The following NXNL2 variants were observed in gnomAD, a reference collection of about 807,000 sequenced individuals.
NXNL2 encodes nucleoredoxin like 2, also known as nucleoredoxin-like protein 2.
A neutral mutation model predicts 11.1 loss-of-function variants in NXNL2; 7 were observed. That is an observed-to-expected ratio of 0.63 (90% CI 0.36 to 1.18). NXNL2 has a LOEUF of 1.18. NXNL2 is among the 50% of genes most tolerant of loss of function. The pLI is 0.02. For synonymous variants in NXNL2, 109 were observed against 101.8 expected, an observed-to-expected ratio of 1.07 and a Z score of -0.42; for missense variants, 233 against 217.7, an observed-to-expected ratio of 1.07 and a Z score of -0.44.
intron 1 of NXNL2, among the ~76,000 whole-genome samples, chr9:88,541,380 C>T (rs1829757855): frequency 6.6e-6 from 1 of 152,096 alleles, no homozygotes; most frequent in African/African-American, 2.4e-5. Context: ...CCTGCCTCAG[C>T]CTCCCAAGTA....
intron 1 of NXNL2, among the ~76,000 whole-genome samples, chr9:88,563,057 C>G (rs773809521): frequency 2.6e-5 from 4 of 152,090 alleles, no homozygotes; most frequent in Non-Finnish European, 5.9e-5. Context: ...CACTGCAATC[C>G]AGCCTGGTGA....
intron 2 of NXNL2, among the ~76,000 whole-genome samples, chr9:88,572,536 C>T (rs901491805): frequency 1.3e-5 from 2 of 152,184 alleles, no homozygotes; most frequent in African/African-American, 4.8e-5. Flanking sequence ...GAGACGCCCT[C>T]AGACTGGGTG....
At chr9:88,579,628 G>T (rs1830387536), downstream of NXNL2, among the ~76,000 whole-genome samples, 1 of 152,174 alleles carries the variant, frequency 6.6e-6, no homozygotes, top group Admixed American at 6.5e-5. Flanking sequence ...TATGCTGCTG[G>T]GTAGGCTTGG....
At chr9:88,576,170 G>C (rs1830345888), downstream of NXNL2, among the ~76,000 whole-genome samples, 1 of 152,248 alleles carries the variant, frequency 6.6e-6, no homozygotes, top group Admixed American at 6.5e-5. Context: ...ACTCCAGCCT[G>C]GGCGATGGAG....
rs116593164 is a variant in NXNL2, at chr9:88,556,471, G to A, written c.303-14616G>A. ...AGTGGGTAACCCATATCTGAAGGTG[G>A]GTAGTCCCAACATGTAGCTGAGTCC... is the stretch of plus-strand genomic sequence containing the variant. On this transcript the variant is annotated intron_variant, in intron 1 of 2. Transcript: ENST00000375855. Among the ~76,000 whole-genome samples the A allele has an allele frequency of 6.7e-3, 1,015 of 152,250 alleles. 9 individuals carry two copies. The highest frequency in any genetic ancestry group is 0.023 in the African/African-American group (972 of 41,554).
At position 88,564,039 on chromosome 9, in the gene NXNL2, T is replaced by C. The variant is rs186531597; in HGVS notation, c.303-7048T>C. Among the ~76,000 whole-genome samples the C allele has an allele frequency of 4.8e-3, 735 of 151,976 alleles. 10 individuals carry two copies. Among genetic ancestry groups the C allele is most frequent in the African/African-American group, 0.016 (683 of 41,464 alleles). ...CAGCCTGGCCAACATGGTGAAACCC[T>C]GTCTCTACTAAAAATAAAAAAATTA... is the stretch of plus-strand genomic sequence containing the variant. On this transcript the variant is annotated intron_variant, in intron 1 of 2. Transcript: ENST00000375855.
rs1199831011 is a variant in NXNL2 at position 88,550,198 on chromosome 9, CCATT to C, written c.302+14466_302+14469del. Among the ~76,000 whole-genome samples, 20 of 152,182 alleles carry C rather than the reference CCATT, an allele frequency of 1.3e-4. 1 individual carries two copies. The highest frequency in any genetic ancestry group is 4.6e-4 in the African/African-American group (19 of 41,436). On this transcript the variant is annotated intron_variant, in intron 1 of 2. Transcript: ENST00000375855. ...ACAATACCAAGAGAATGGCACTAAA[CCATT>C]CATGAGAAATCCACCCCCATGATCC...
intron 1 of NXNL2, among the ~76,000 whole-genome samples, chr9:88,550,426 C>A (rs369696665): frequency 2.5e-4 from 38 of 152,322 alleles, no homozygotes; most frequent in African/African-American, 9.1e-4. Context: ...CAACAAGAAT[C>A]AGGCAGCTCA....
downstream of NXNL2, among the ~76,000 whole-genome samples, chr9:88,545,860 G>A (rs1829838343): frequency 6.6e-6 from 1 of 152,030 alleles, no homozygotes; most frequent in South Asian, 2.1e-4. Flanking sequence ...TCCGCCTCCT[G>A]GGTTCAAGTG....
chr9:88,564,418 T>A, intron 1 of NXNL2, among the ~76,000 whole-genome samples: 1 of 152,050 alleles, frequency 6.6e-6, no homozygotes, highest in Middle Eastern at 3.4e-3. Flanking sequence ...TTTATATATT[T>A]ATTTATTTAT....
chr9:88,565,696 C>T (rs1243833754), intron 1 of NXNL2, among the ~76,000 whole-genome samples: 3 of 152,104 alleles, frequency 2.0e-5, no homozygotes, highest in South Asian at 4.1e-4. Flanking sequence ...GGACACCACA[C>T]CTGGCTAATT....
chr9:88,566,979 T>TCTATCTATCTATCTATCTAC (rs1317748671), intron 1 of NXNL2, among the ~76,000 whole-genome samples: 1 of 142,764 alleles, frequency 7.0e-6, no homozygotes, highest in African/African-American at 2.7e-5. Context: ...CTATCATCTA[T>TCTATCTATCTATCTATCTAC]CTATCTATCT....
intron 1 of NXNL2, among the ~76,000 whole-genome samples, chr9:88,566,436 G>C (rs1166852510): frequency 6.6e-6 from 1 of 152,016 alleles, no homozygotes; most frequent in Non-Finnish European, 1.5e-5. Flanking sequence ...CTGAGTAGCT[G>C]GGACTGCAGG....
At chr9:88,576,129 A>T (rs888117449), downstream of NXNL2, among the ~76,000 whole-genome samples, 13 of 152,232 alleles carry the variant, frequency 8.5e-5, no homozygotes, top group African/African-American at 3.1e-4. Context: ...CAGGAGACAG[A>T]GGTTACAGTG....
chr9:88,550,288 G>T (rs1829911848), intron 1 of NXNL2, among the ~76,000 whole-genome samples: 1 of 152,126 alleles, frequency 6.6e-6, no homozygotes, highest in African/African-American at 2.4e-5. Context: ...ATGATATTTG[G>T]GAAGGGACAC....
At chr9:88,582,842 A>G (rs1718884834) in intron 1 of NXNL2, among the ~76,000 whole-genome samples, 2 of 151,982 alleles carry the variant, frequency 1.3e-5, no homozygotes, top group Admixed American at 1.3e-4. Flanking sequence ...TAATTTTTGT[A>G]TTTTTAGTAG....
chr9:88,561,342 G>A (rs1015184481), intron 1 of NXNL2, among the ~76,000 whole-genome samples: 2 of 152,098 alleles, frequency 1.3e-5, no homozygotes, highest in Non-Finnish European at 2.9e-5. Context: ...CTTGCAGACA[G>A]CCTATTGTGG....
chr9:88,583,537 C>T (rs1388687646), intron 1 of NXNL2, among the ~76,000 whole-genome samples: 1 of 152,206 alleles, frequency 6.6e-6, no homozygotes, highest in East Asian at 1.9e-4. Flanking sequence ...CCTACACAGA[C>T]ACCCCCGCTT....
intron 1 of NXNL2, among the ~76,000 whole-genome samples, chr9:88,539,325 C>T (rs887580109): frequency 5.9e-5 from 9 of 152,134 alleles, no homozygotes; most frequent in Admixed American, 1.3e-4. Flanking sequence ...CAGATGCTGT[C>T]GGACCTGGGG....
Sources: gnomAD v4.1 joint callset for allele counts (sites outside exome capture counted in the v4.1 genomes callset) on GRCh38, gnomAD v4.1.1 for gene constraint, MANE v1.5 for transcripts, NCBI Gene and HGNC (gene_info 2026-07-23, HGNC 2026-07-21) for gene names.